SLC36A3: variants seen among roughly 807,000 people sequenced by gnomAD.
SLC36A3 encodes the protein solute carrier family 36 member 3.
Under a neutral mutation model 44.3 loss-of-function variants are expected in SLC36A3, and 35 were observed. The observed-to-expected ratio is 0.79, with a 90% CI of 0.60 to 1.05. The LOEUF is 1.05. Among genes scored for constraint, SLC36A3 ranks in the 50% least tolerant of loss-of-function variants. The pLI is 0.00. For synonymous variants in SLC36A3, 211 were observed against 227.6 expected, an observed-to-expected ratio of 0.93 and a Z score of 0.66; for missense variants, 540 against 578.7, an observed-to-expected ratio of 0.93 and a Z score of 0.69.
chr5:151,292,851 G>T (rs1236843278), intron 4 of SLC36A3, among the ~76,000 whole-genome samples: 2 of 152,168 alleles, frequency 1.3e-5, no homozygotes, highest in East Asian at 3.9e-4. Context: ...AGGCGTGGTG[G>T]TGGGCGCCTG....
intron 9 of SLC36A3, among the ~76,000 whole-genome samples, chr5:151,280,751 G>C (rs1754278848): frequency 6.6e-6 from 1 of 152,172 alleles, no homozygotes. Flanking sequence ...CTGACATATA[G>C]GATTGAATGA....
In SLC36A3 at chr5:151,287,450, G is replaced by A; in HGVS notation, c.504C>T (p.Ala168=). 6.2e-7 allele frequency: 1 copy of A among 1,614,094 alleles called. No homozygotes were observed. ...GCTGGCAGATGTTGGAGGTCACGTGGGCTTTTTCCACCATCTGACATAAAG... is the reference window on the plus strand; with the variant it reads ...GCTGGCAGATGTTGGAGGTCACGTGAGCTTTTTCCACCATCTGACATAAAG... ...ADNLQQMVEK[A]HVTSNICQPR... The change falls in exon 6 of 10, where the codon GCC becomes GCT. Residue 168 remains alanine, a synonymous_variant. Transcript: ENST00000335230.
intron 4 of SLC36A3, among the ~76,000 whole-genome samples, chr5:151,290,941 A>G (rs1754738889): frequency 1.3e-5 from 2 of 152,072 alleles, no homozygotes; most frequent in South Asian, 4.1e-4. Flanking sequence ...TTTAAAAAGT[A>G]TAATCATCAT....
chr5:151,280,911 G>A, intron 9 of SLC36A3, 103 bp downstream of exon 9: 2 of 1,421,582 alleles, frequency 1.4e-6, no homozygotes, highest in South Asian at 1.3e-5. Flanking sequence ...TCCCACCCTA[G>A]GTCACAAAGA....
intron 3 of SLC36A3, among the ~76,000 whole-genome samples, chr5:151,293,739 G>C (rs532516459): frequency 2.3e-4 from 35 of 152,354 alleles, no homozygotes; most frequent in African/African-American, 8.2e-4. Flanking sequence ...TGCAAAGCAG[G>C]AAAGGGGATA....
At chr5:151,281,811 G>A (rs1754328331) in intron 8 of SLC36A3, among the ~76,000 whole-genome samples, 1 of 152,096 alleles carries the variant, frequency 6.6e-6, no homozygotes. Flanking sequence ...AACAGAGTGA[G>A]ACTCCATCTC....
At chr5:151,294,753 C>T (rs923726463) in intron 3 of SLC36A3, among the ~76,000 whole-genome samples, 3 of 151,926 alleles carry the variant, frequency 2.0e-5, no homozygotes, top group Admixed American at 6.6e-5. Flanking sequence ...CCTCAGCCTC[C>T]CGAGTAGCTG....
intron 3 of SLC36A3, 128 bp downstream of exon 3, chr5:151,296,052 T>C (rs1011138873): frequency 3.6e-6 from 3 of 839,662 alleles, no homozygotes; most frequent in African/African-American, 1.7e-5. Flanking sequence ...CTTGCCTTCA[T>C]AGAATCCAGA....
In SLC36A3 at chr5:151,281,013, C is replaced by A; in HGVS notation, c.1144+1G>T. Reference sequence around the variant, plus strand: ...AAAGAGTGCCCTTTTATGCTACTCACAGGTTAGACAGACCAAGGCTGAGCG... The same window carrying A: ...AAAGAGTGCCCTTTTATGCTACTCAAAGGTTAGACAGACCAAGGCTGAGCG... On this transcript the variant is annotated splice_donor_variant, in intron 9 of 9. Transcript: ENST00000335230. LOFTEE classifies it high-confidence loss of function. The A allele has an allele frequency of 6.2e-7, 1 of 1,614,084 alleles. No homozygotes were observed. Among genetic ancestry groups the A allele is most frequent in the South Asian group, 1.1e-5 (1 of 91,088 alleles).
In SLC36A3 at chr5:151,277,261, T is replaced by C. The variant is rs972954000; in HGVS notation, c.*132A>G. On this transcript the variant is annotated 3_prime_UTR_variant, in exon 10 of 10. Transcript: ENST00000335230. ...TCAGTGCTAACTTTTCTCATCTGCA[T>C]TTCTCTTGGAAAGATAAAGACGCCA... 5 of 1,261,710 alleles carry C rather than the reference T, an allele frequency of 4.0e-6. No homozygotes were observed. The African/African-American group carries it at 7.5e-5, about 19-fold the overall frequency. 78.2% of individuals were successfully genotyped at this position (1,261,710 alleles called of 1,614,324 possible).
At chr5:151,283,663 A>G (rs1362903348) in intron 8 of SLC36A3, among the ~76,000 whole-genome samples, 1 of 152,246 alleles carries the variant, frequency 6.6e-6, no homozygotes, top group Admixed American at 6.5e-5. Context: ...CACCTTGGAA[A>G]AATGAAGGCT....
chr5:151,293,502 G>T (rs1311575037), intron 3 of SLC36A3, 43 bp from the exon 4 acceptor site: 1 of 1,515,170 alleles, frequency 6.6e-7, no homozygotes, highest in Non-Finnish European at 9.0e-7. Context: ...AAACATTTTT[G>T]TTAAAGGTAC....
intron 7 of SLC36A3, 65 bp from the exon 8 acceptor site, chr5:151,284,275 A>ACCC: frequency 4.1e-5 from 62 of 1,497,594 alleles, no homozygotes; most frequent in Non-Finnish European, 5.1e-5. Flanking sequence ...TGTGAAGGAG[A>ACCC]GGGTTCCCGT....
At chr5:151,301,160 T>C (rs989541645) in intron 1 of SLC36A3, among the ~76,000 whole-genome samples, 8 of 152,232 alleles carry the variant, frequency 5.3e-5, no homozygotes, top group Non-Finnish European at 1.0e-4. Context: ...TGTTTATTCC[T>C]GGACATAGGC....
chr5:151,283,288 G>T (rs10476973), intron 8 of SLC36A3, among the ~76,000 whole-genome samples: 24,629 of 152,016 alleles, frequency 0.16, 2,580 homozygotes, highest in East Asian at 0.3. Context: ...CTCATTGGGT[G>T]GTTGGTCTTT....
intron 8 of SLC36A3, among the ~76,000 whole-genome samples, chr5:151,282,886 CTTTT>C (rs11362344): frequency 4.2e-5 from 6 of 142,656 alleles, no homozygotes; most frequent in Non-Finnish European, 9.2e-5. Flanking sequence ...TTCTTTCTTT[CTTTT>C]TTTTTTTTTT....
intron 8 of SLC36A3, 79 bp from the exon 9 acceptor site, chr5:151,281,262 G>T: frequency 7.1e-7 from 1 of 1,413,314 alleles, no homozygotes; most frequent in Non-Finnish European, 9.7e-7. Context: ...CTGCTCAGAA[G>T]CTGGTATGGG....
intron 5 of SLC36A3, 52 bp downstream of exon 5, chr5:151,288,334 A>C (rs1245536582): frequency 7.0e-7 from 1 of 1,423,886 alleles, no homozygotes; most frequent in Non-Finnish European, 9.7e-7. Context: ...ATGTAGCCTC[A>C]GCAGCAGGAG....
intron 3 of SLC36A3, among the ~76,000 whole-genome samples, chr5:151,295,368 C>T (rs1016365818): frequency 3.3e-5 from 5 of 152,224 alleles, no homozygotes; most frequent in African/African-American, 1.2e-4. Context: ...AGTGTAATTG[C>T]ACAATACATT....
Sources: gnomAD v4.1 joint callset for allele counts (sites outside exome capture counted in the v4.1 genomes callset) on GRCh38, gnomAD v4.1.1 for gene constraint, MANE v1.5 for transcripts, NCBI Gene and HGNC (gene_info 2026-07-23, HGNC 2026-07-21) for gene names.